FAM118A: variants seen among roughly 807,000 people sequenced by gnomAD.
FAM118A encodes protein FAM118A.
A neutral mutation model predicts 38.2 loss-of-function variants in FAM118A; 25 were observed. The ratio of observed to expected loss-of-function variants is 0.65; its 90% CI spans 0.48 to 0.91. The LOEUF (loss-of-function observed/expected upper bound fraction) is 0.91, where lower values mean the gene tolerates loss of function less well. Among genes scored for constraint, FAM118A ranks in the 40% least tolerant of loss-of-function variants. The pLI, the probability that FAM118A is intolerant of heterozygous loss-of-function variation, is 0.00. For missense variants in FAM118A, 425 were observed against 463.3 expected, an observed-to-expected ratio of 0.92 and a Z score of 0.76; for synonymous variants, 178 against 184.1, an observed-to-expected ratio of 0.97 and a Z score of 0.27.
intron 3 of FAM118A, among the ~76,000 whole-genome samples, 172 bp downstream of exon 3, chr22:45,323,599 A>G (rs980838417): frequency 7.9e-5 from 12 of 152,134 alleles, no homozygotes; most frequent in Non-Finnish European, 1.8e-4. Context: ...TTTAAAATTG[A>G]GGGGATGCCA....
At position 45,341,388 on chromosome 22, in the gene FAM118A, AC is replaced by A; in HGVS notation, c.*985del. 1 of 152,302 alleles carries A rather than the reference AC, an allele frequency of 6.6e-6. No homozygotes were observed. Among genetic ancestry groups the A allele is most frequent in the Middle Eastern group, 3.4e-3 (1 of 294 alleles). 9.4% of individuals were successfully genotyped at this position (152,302 alleles called of 1,614,324 possible). Reference sequence around the variant, plus strand: ...GTGCACGGCCACTGTGGGACTGACAACCGGGATAGCTCAAGTTCGAGAGACC... The same window carrying A: ...GTGCACGGCCACTGTGGGACTGACAACGGGATAGCTCAAGTTCGAGAGACC... On this transcript the variant is annotated 3_prime_UTR_variant, in exon 9 of 9. Coordinates refer to ENST00000441876, the MANE Select transcript of FAM118A (RefSeq NM_017911.4).
chr22:45,329,685 G>C (rs1378628541), intron 4 of FAM118A: 2 of 152,422 alleles, frequency 1.3e-5, no homozygotes, highest in Non-Finnish European at 2.9e-5. Context: ...AGCGGGCAGG[G>C]CCAAGGCACC....
Position 45,336,337 on chromosome 22 carries a change from G to A in FAM118A, c.980G>A (p.Cys327Tyr). 5 of 1,613,640 alleles carry A rather than the reference G, an allele frequency of 3.1e-6. No homozygotes were observed. The highest frequency in any genetic ancestry group is 4.2e-6 in the Non-Finnish European group (5 of 1,179,584). The change falls in exon 8 of 9, where the codon TGC becomes TAC. Residue 327 changes from cysteine to tyrosine, a missense_variant. Coordinates refer to ENST00000441876, the MANE Select transcript of FAM118A (RefSeq NM_017911.4). Reference protein sequence around the residue: ...VDSTTLLGNACQDCAKRKLEE... With the variant: ...VDSTTLLGNAYQDCAKRKLEE... ...AATTCTTCTCTTTTAGGTAATGCAT[G>A]CCAGGACTGTGCAAAGAGGAAGTTA...
chr22:45,330,827 G>A (rs191579271), intron 5 of FAM118A, 96 bp downstream of exon 5: 1 of 1,351,482 alleles, frequency 7.4e-7, no homozygotes, highest in Non-Finnish European at 9.6e-7. Context: ...CAGGCTCCAG[G>A]CGTCCGTGCC....
At chr22:45,332,339 T>C in intron 5 of FAM118A, 86 bp from the exon 6 acceptor site, 1 of 1,419,926 alleles carries the variant, frequency 7.0e-7, no homozygotes, top group Non-Finnish European at 9.6e-7. Context: ...AGCAGTGATG[T>C]AAAAGCACAC....
At chr22:45,327,580 G>A (rs1020097777) in intron 3 of FAM118A, among the ~76,000 whole-genome samples, 1 of 152,126 alleles carries the variant, frequency 6.6e-6, no homozygotes, top group Admixed American at 6.5e-5. Context: ...AGAGAGGCTT[G>A]CCTAGTGTCT....
At chr22:45,325,853 G>A (rs2085226169) in intron 3 of FAM118A, among the ~76,000 whole-genome samples, 1 of 152,128 alleles carries the variant, frequency 6.6e-6, no homozygotes, top group Non-Finnish European at 1.5e-5. Context: ...GTGCAGGGGA[G>A]CCCCCAGGAA....
At chr22:45,314,049 C>T (rs563582477) in intron 1 of FAM118A, among the ~76,000 whole-genome samples, 1 of 152,104 alleles carries the variant, frequency 6.6e-6, no homozygotes, top group Non-Finnish European at 1.5e-5. Flanking sequence ...AGTCCTTGCC[C>T]AGGTAGTAAG....
intron 1 of FAM118A, among the ~76,000 whole-genome samples, chr22:45,314,710 C>T (rs1325241002): frequency 6.6e-6 from 1 of 152,258 alleles, no homozygotes; most frequent in East Asian, 1.9e-4. Flanking sequence ...GGTGGGTCCA[C>T]AAGCCCCTGG....
chr22:45,311,685 T>C (rs1471059089), intron 1 of FAM118A, among the ~76,000 whole-genome samples: 1 of 151,800 alleles, frequency 6.6e-6, no homozygotes, highest in Admixed American at 6.6e-5. Flanking sequence ...AGTTGGTGTG[T>C]TTTTGAACCA....
intron 5 of FAM118A, 121 bp downstream of exon 5, chr22:45,330,852 T>TCCCTCA: frequency 8.9e-7 from 1 of 1,127,058 alleles, no homozygotes; most frequent in South Asian, 2.9e-5. Context: ...AGGTCGGCCC[T>TCCCTCA]GCACACAGTT....
chr22:45,314,991 G>A (rs1353637274), intron 1 of FAM118A, among the ~76,000 whole-genome samples: 2 of 152,230 alleles, frequency 1.3e-5, no homozygotes, highest in Non-Finnish European at 2.9e-5. Flanking sequence ...CATAGGAGTC[G>A]CCACCTCATC....
chr22:45,326,269 C>G (rs1191543451), intron 3 of FAM118A, among the ~76,000 whole-genome samples: 3 of 151,110 alleles, frequency 2.0e-5, no homozygotes, highest in Admixed American at 2.0e-4. Context: ...TTGAAGCCAT[C>G]CCAGCCAGGC....
intron 8 of FAM118A, chr22:45,337,890 T>C (rs374013672): frequency 1.0e-6 from 1 of 985,236 alleles, no homozygotes; most frequent in Admixed American, 6.2e-5. Context: ...TCCGTTGTGA[T>C]TCCCCCGGAC....
chr22:45,309,586 C>T (rs2084276267), upstream of FAM118A: 1 of 152,492 alleles, frequency 6.6e-6, no homozygotes, highest in African/African-American at 2.4e-5. Flanking sequence ...TCGCCACGTC[C>T]CTGCAAAGTG....
chr22:45,339,498 A>G (rs1189518414), intron 8 of FAM118A, among the ~76,000 whole-genome samples: 2 of 152,244 alleles, frequency 1.3e-5, no homozygotes, highest in African/African-American at 4.8e-5. Flanking sequence ...TTTGGATCAA[A>G]CTGTTTGAAA....
At chr22:45,309,643 C>A (rs950206168), upstream of FAM118A, 2 of 152,262 alleles carry the variant, frequency 1.3e-5, no homozygotes, top group Non-Finnish European at 2.9e-5. Context: ...CGCGGCTCGC[C>A]GGGCCAGGTA....
At chr22:45,330,826 G>C (rs2085655939) in intron 5 of FAM118A, 95 bp downstream of exon 5, 1 of 1,356,774 alleles carries the variant, frequency 7.4e-7, no homozygotes, top group Non-Finnish European at 9.6e-7. Context: ...CCAGGCTCCA[G>C]GCGTCCGTGC....
chr22:45,326,032 G>A (rs771400425), intron 3 of FAM118A, among the ~76,000 whole-genome samples: 6 of 152,102 alleles, frequency 3.9e-5, no homozygotes, highest in Non-Finnish European at 7.4e-5. Context: ...GAACCTATGA[G>A]TCTTGGTTTT....
Sources: allele counts gnomAD v4.1 joint callset (sites outside exome capture counted in the v4.1 genomes callset), GRCh38; gene constraint gnomAD v4.1.1; transcripts MANE v1.5; gene names NCBI Gene and HGNC (gene_info 2026-07-23, HGNC 2026-07-21).